The following EYS variants were observed in gnomAD, a reference collection of about 807,000 sequenced individuals.
EYS encodes the protein protein eyes shut homolog.
A neutral mutation model predicts 282.1 loss-of-function variants in EYS; 250 were observed. That is an observed-to-expected ratio of 0.89 (90% confidence interval 0.80 to 0.98). EYS has a LOEUF of 0.98. EYS is among the 50% of genes least tolerant of loss of function. EYS has a pLI of 0.00. For missense variants in EYS, 4,016 were observed against 3,709.0 expected (o/e 1.08, Z -2.15); for synonymous variants, 1,355 against 1,282.9 (o/e 1.06, Z -1.20).
chr6:64,603,939 A>G (rs1340012658), intron 24 of EYS, among the ~76,000 whole-genome samples: 1 of 150,992 alleles, frequency 6.6e-6, no homozygotes, highest in African/African-American at 2.4e-5. Flanking sequence ...AAGGTGGCCA[A>G]GCTCTCAAGA....
At chr6:65,554,604 T>G (rs1768725010) in intron 2 of EYS, among the ~76,000 whole-genome samples, 1 of 152,164 alleles carries the variant, frequency 6.6e-6, no homozygotes, top group Admixed American at 6.5e-5. Flanking sequence ...ATACACCACT[T>G]TTACTTTCTA....
At chr6:65,079,634 T>A (rs1774161044) in intron 12 of EYS, among the ~76,000 whole-genome samples, 1 of 152,120 alleles carries the variant, frequency 6.6e-6, no homozygotes, top group Admixed American at 6.6e-5. Flanking sequence ...ATATAGCTCT[T>A]TAACAAATTA....
At chr6:65,292,958 T>C (rs1350548066) in intron 12 of EYS, among the ~76,000 whole-genome samples, 1 of 151,732 alleles carries the variant, frequency 6.6e-6, no homozygotes, top group East Asian at 1.9e-4. Flanking sequence ...GAGTTTGCTT[T>C]AGGATAGCAG....
intron 31 of EYS, among the ~76,000 whole-genome samples, chr6:64,163,119 A>G (rs1775159095): frequency 6.6e-6 from 1 of 152,162 alleles, no homozygotes; most frequent in African/African-American, 2.4e-5. Context: ...AAAGAAATTT[A>G]GATGGGGAGA....
At chr6:65,186,752 A>G (rs1765526272) in intron 12 of EYS, among the ~76,000 whole-genome samples, 1 of 151,726 alleles carries the variant, frequency 6.6e-6, no homozygotes, top group African/African-American at 2.4e-5. Flanking sequence ...TTAAGGTGGC[A>G]AGTGTAAAAA....
At chr6:64,569,698 G>A (rs1765664240) in intron 26 of EYS, among the ~76,000 whole-genome samples, 1 of 151,946 alleles carries the variant, frequency 6.6e-6, no homozygotes, top group Non-Finnish European at 1.5e-5. Context: ...CAGAGATCCT[G>A]CCACTGAACT....
chr6:63,858,494 G>A (rs1386322864), intron 36 of EYS, among the ~76,000 whole-genome samples: 1 of 152,134 alleles, frequency 6.6e-6, no homozygotes, highest in East Asian at 1.9e-4. Context: ...AAAGGCAGGA[G>A]GTGCTCACTT....
rs377732568 is a variant in EYS, at chr6:64,063,706, GT to G, written c.6725+2631del. ...GGTCTCTGAATCTGTATATGCCATG[GT>G]TTTTTCTAGCATAGGGTTTTGTTTT... On this transcript the variant is annotated intron_variant, in intron 33 of 42. Transcript: ENST00000503581. Among the ~76,000 whole-genome samples, 47 of 152,098 alleles carry G rather than the reference GT, an allele frequency of 3.1e-4. 1 individual carries two copies. Among genetic ancestry groups the G allele is most frequent in the African/African-American group, 1.1e-3 (44 of 41,504 alleles).
At chr6:64,906,281 AAAAAG>A (rs1296888069) in intron 16 of EYS, among the ~76,000 whole-genome samples, 2 of 151,900 alleles carry the variant, frequency 1.3e-5, no homozygotes, top group African/African-American at 4.8e-5. Flanking sequence ...TGAACTTAAA[AAAAAG>A]AAGAGCTAAT....
intron 19 of EYS, among the ~76,000 whole-genome samples, chr6:64,850,051 G>T (rs1037480135): frequency 6.6e-6 from 1 of 151,940 alleles, no homozygotes; most frequent in African/African-American, 2.4e-5. Flanking sequence ...TATTACAGGA[G>T]CCGATATTTT....
chr6:65,548,624 T>C (rs1318258606), intron 2 of EYS, among the ~76,000 whole-genome samples: 1 of 152,198 alleles, frequency 6.6e-6, no homozygotes. Context: ...CCGGCACTTA[T>C]CTCCACCTCT....
At chr6:64,535,334 A>G (rs2050621) in intron 26 of EYS, among the ~76,000 whole-genome samples, 51,006 of 152,016 alleles carry the variant, frequency 0.34, 10,306 homozygotes, top group African/African-American at 0.58. Flanking sequence ...ATAAATGAAC[A>G]AATCTCATTA....
At chr6:64,966,364 G>A (rs1770095568) in intron 14 of EYS, among the ~76,000 whole-genome samples, 1 of 152,084 alleles carries the variant, frequency 6.6e-6, no homozygotes, top group African/African-American at 2.4e-5. Flanking sequence ...AAATGTTTAA[G>A]CTTGTTAATG....
chr6:64,003,251 A>G (rs1249604797), intron 33 of EYS, among the ~76,000 whole-genome samples: 1 of 152,186 alleles, frequency 6.6e-6, no homozygotes, highest in Non-Finnish European at 1.5e-5. Flanking sequence ...GCTAAAATTT[A>G]AAACAACTGA....
At chr6:65,535,230 T>C (rs1205205682) in intron 2 of EYS, among the ~76,000 whole-genome samples, 1 of 152,120 alleles carries the variant, frequency 6.6e-6, no homozygotes, top group Admixed American at 6.6e-5. Flanking sequence ...TCAGTGGCCT[T>C]GGGACCCAGA....
chr6:65,375,471 T>C lies in EYS; in HGVS notation c.1299+8915A>G, dbSNP rs1248567029. Among the ~76,000 whole-genome samples the C allele has an allele frequency of 2.6e-5, 4 of 152,038 alleles. No homozygotes were observed. The East Asian group carries it at 7.8e-4, about 30-fold the overall frequency. On this transcript the variant is annotated intron_variant, in intron 8 of 42. Coordinates refer to ENST00000503581, the MANE Select transcript of EYS (RefSeq NM_001142800.2). ...ATGCTGAAAATTCCAAAAACCAGAA[T>C]GCTTCTTCTCCTCCAAATGATCACG...
At chr6:64,195,214 C>T (rs566393884) in intron 31 of EYS, among the ~76,000 whole-genome samples, 1 of 152,218 alleles carries the variant, frequency 6.6e-6, no homozygotes, top group East Asian at 1.9e-4. Flanking sequence ...TAGTAAAGAT[C>T]TACTGGTGAC....
intron 12 of EYS, among the ~76,000 whole-genome samples, chr6:65,273,820 C>T (rs1767969487): frequency 6.6e-6 from 1 of 152,126 alleles, no homozygotes; most frequent in Admixed American, 6.6e-5. Context: ...CAAGGTTCAG[C>T]TTTTTGTATG....
chr6:64,087,521 C>T (rs1772197505), intron 31 of EYS, among the ~76,000 whole-genome samples: 1 of 152,038 alleles, frequency 6.6e-6, no homozygotes, highest in African/African-American at 2.4e-5. Flanking sequence ...CTCATCTATC[C>T]TCCTACAGTA....
Sources: allele counts gnomAD v4.1 joint callset (sites outside exome capture counted in the v4.1 genomes callset), GRCh38; gene constraint gnomAD v4.1.1; transcripts MANE v1.5; gene names NCBI Gene and HGNC (gene_info 2026-07-23, HGNC 2026-07-21).